PPP2R5C: variants seen among roughly 807,000 people sequenced by gnomAD.
The protein encoded by PPP2R5C is serine/threonine-protein phosphatase 2A 56 kDa regulatory subunit gamma isoform.
Under a neutral mutation model 68.9 loss-of-function variants are expected in PPP2R5C, and 7 were observed. That is an observed-to-expected ratio of 0.10 (90% CI 0.06 to 0.19). The LOEUF (loss-of-function observed/expected upper bound fraction) is 0.19. PPP2R5C is among the 10% of genes least tolerant of loss of function. The probability of loss-of-function intolerance (pLI) is 1.00; values close to 1 mark genes in which losing one functional copy is unlikely to be tolerated. For synonymous variants in PPP2R5C, 210 were observed against 222.2 expected (o/e 0.95, Z 0.49); for missense variants, 348 against 641.3 (o/e 0.54, Z 4.94).
At chr14:101,791,206 T>C (rs1223854604) in intron 3 of PPP2R5C, among the ~76,000 whole-genome samples, 2 of 152,252 alleles carry the variant, frequency 1.3e-5, no homozygotes, top group South Asian at 2.1e-4. Context: ...TGCCAATATC[T>C]ATTATTGTCT....
intron 2 of PPP2R5C, among the ~76,000 whole-genome samples, chr14:101,863,985 T>C (rs953781694): frequency 6.6e-6 from 1 of 152,158 alleles, no homozygotes; most frequent in African/African-American, 2.4e-5. Context: ...GTGTTTTCAG[T>C]GCTCTCCAGG....
chr14:101,782,135 C>A (rs1595143863), intron 2 of PPP2R5C, among the ~76,000 whole-genome samples: 5 of 68,284 alleles, frequency 7.3e-5, no homozygotes, highest in Admixed American at 6.2e-4. Context: ...TCCCCTCCCC[C>A]TCCCCATCCC....
At chr14:101,909,981 G>T (rs1400911682) in intron 11 of PPP2R5C, among the ~76,000 whole-genome samples, 1 of 152,162 alleles carries the variant, frequency 6.6e-6, no homozygotes, top group Non-Finnish European at 1.5e-5. Flanking sequence ...GGGCTATAAT[G>T]GGCTTAAAGG....
At chr14:101,853,790 A>G (rs2042280583) in intron 1 of PPP2R5C, among the ~76,000 whole-genome samples, 1 of 152,062 alleles carries the variant, frequency 6.6e-6, no homozygotes, top group African/African-American at 2.4e-5. Flanking sequence ...AACTGCTGTT[A>G]GGAGGATTTG....
intron 3 of PPP2R5C, among the ~76,000 whole-genome samples, chr14:101,802,532 A>G (rs1273109854): frequency 1.3e-5 from 2 of 152,234 alleles, no homozygotes; most frequent in East Asian, 1.9e-4. Flanking sequence ...TTGAGGAGAA[A>G]ACATAGGAGA....
At chr14:101,795,977 C>A (rs964146500) in intron 3 of PPP2R5C, among the ~76,000 whole-genome samples, 1 of 152,130 alleles carries the variant, frequency 6.6e-6, no homozygotes, top group African/African-American at 2.4e-5. Flanking sequence ...TGCGCACCAC[C>A]ACGCACAGCT....
chr14:101,907,354 A>G (rs1280285036), intron 10 of PPP2R5C, among the ~76,000 whole-genome samples: 1 of 151,780 alleles, frequency 6.6e-6, no homozygotes, highest in Admixed American at 6.6e-5. Flanking sequence ...TATTTTTTGT[A>G]GAGATGGGGT....
In PPP2R5C at chr14:101,886,206, G is replaced by C. The variant is rs541083068; in HGVS notation, c.629+2644G>C. Among the ~76,000 whole-genome samples, 200 of 152,072 alleles carry C rather than the reference G, an allele frequency of 1.3e-3. 1 individual carries two copies. The highest frequency in any genetic ancestry group is 2.2e-3 in the Non-Finnish European group (148 of 67,996). On this transcript the variant is annotated intron_variant, in intron 5 of 13. Transcript: ENST00000334743. ...TGAGGCGGGAGAATGGCGTGAACCC[G>C]GGAGGCGGAGCTTACAGTGAGCCGA...
intron 9 of PPP2R5C, among the ~76,000 whole-genome samples, chr14:101,903,788 G>A (rs1480239537): frequency 6.6e-6 from 1 of 151,692 alleles, no homozygotes; most frequent in Non-Finnish European, 1.5e-5. Flanking sequence ...TGATTCTCCT[G>A]CCTCGGCCTC....
At chr14:101,903,923 C>G (rs1211851976) in intron 9 of PPP2R5C, among the ~76,000 whole-genome samples, 1 of 152,090 alleles carries the variant, frequency 6.6e-6, no homozygotes, top group Non-Finnish European at 1.5e-5. Context: ...ATCCGCCCAC[C>G]TCGGCCTCCC....
intron 2 of PPP2R5C, among the ~76,000 whole-genome samples, chr14:101,763,528 A>G (rs912370840): frequency 4.0e-5 from 6 of 151,836 alleles, no homozygotes; most frequent in Non-Finnish European, 7.4e-5. Flanking sequence ...GATTACAGGC[A>G]CCCGCTACCA....
At chr14:101,885,502 G>A (rs112807915) in intron 5 of PPP2R5C, among the ~76,000 whole-genome samples, 806 of 115,610 alleles carry the variant, frequency 7.0e-3, no homozygotes, top group African/African-American at 0.026. Context: ...ATCCCGTGCC[G>A]GCTTGCACAG....
Position 101,906,504 on chromosome 14 carries a change from C to A in PPP2R5C, c.1126C>A (p.Arg376Ser). The A allele has an allele frequency of 6.2e-7, 1 of 1,612,680 alleles. No individual in the cohort carries two copies. Among genetic ancestry groups the A allele is most frequent in the Non-Finnish European group, 8.5e-7 (1 of 1,179,584 alleles). Residue 376 changes from arginine (R) to serine (S), a missense_variant, in exon 10 of 14, where the codon CGC becomes AGC. Coordinates refer to ENST00000334743, the Ensembl canonical transcript of PPP2R5C. The surrounding 1 kb of genome is among the most constrained non-coding windows in gnomAD (Gnocchi z 4.0). ...GCCCATCATGTTTCCTTCCTTGTAC[C>A]GCAACTCAAAGACCCATTGGAACAA...
At chr14:101,765,568 CTTTTTTTTT>C in intron 2 of PPP2R5C, 1 of 152,626 alleles carries the variant, frequency 6.6e-6, no homozygotes, top group South Asian at 1.5e-4. Context: ...GCTTTCAAGC[CTTTTTTTTT>C]TTTTTTTTGA....
chr14:101,783,352 C>T (rs951172706), intron 2 of PPP2R5C, among the ~76,000 whole-genome samples: 1 of 148,718 alleles, frequency 6.7e-6, no homozygotes, highest in Non-Finnish European at 1.5e-5. Context: ...TTCCCAGGGA[C>T]AGACAATGTC....
At chr14:101,852,921 G>A (rs2042243543) in intron 1 of PPP2R5C, among the ~76,000 whole-genome samples, 1 of 152,078 alleles carries the variant, frequency 6.6e-6, no homozygotes, top group Non-Finnish European at 1.5e-5. Flanking sequence ...TTTGGAAATT[G>A]TCTCAAATTC....
At chr14:101,806,682 G>A (rs1040649810), upstream of PPP2R5C, among the ~76,000 whole-genome samples, 6 of 152,052 alleles carry the variant, frequency 3.9e-5, no homozygotes, top group South Asian at 2.1e-4. Flanking sequence ...TTTTAAGATC[G>A]GGCATGGTGG....
intron 1 of PPP2R5C, among the ~76,000 whole-genome samples, chr14:101,832,743 G>A (rs1458746811): frequency 6.6e-6 from 1 of 152,192 alleles, no homozygotes. Flanking sequence ...GACTCCAGCA[G>A]CGTGAGTGAC....
At chr14:101,910,648 C>T (rs531650378) in intron 11 of PPP2R5C, among the ~76,000 whole-genome samples, 4 of 152,066 alleles carry the variant, frequency 2.6e-5, no homozygotes, top group South Asian at 2.1e-4. Context: ...CTGGCTAACA[C>T]GGTGAAACCC....
Sources: allele counts gnomAD v4.1 joint callset (sites outside exome capture counted in the v4.1 genomes callset), GRCh38; gene constraint gnomAD v4.1.1; non-coding constraint Gnocchi (gnomAD v3.1); transcripts MANE v1.5; gene names NCBI Gene and HGNC (gene_info 2026-07-23, HGNC 2026-07-21).